Variants in GALNTL6 observed in about 807,000 individuals in gnomAD.
GALNTL6 encodes the protein polypeptide N-acetylgalactosaminyltransferase like 6.
GALNTL6 carries 46 observed loss-of-function variants against 73.7 expected under a neutral mutation model. The observed-to-expected ratio is 0.62, with a 90% CI of 0.49 to 0.80. The LOEUF (loss-of-function observed/expected upper bound fraction) is 0.80. Ranked by LOEUF, GALNTL6 falls within the 30% of genes least tolerant of loss-of-function variation. The pLI is 0.00. For missense variants in GALNTL6, 604 were observed against 755.0 expected, an observed-to-expected ratio of 0.80 and a Z score of 2.34; for synonymous variants, 259 against 263.7, an observed-to-expected ratio of 0.98 and a Z score of 0.17.
chr4:172,781,712 G>T (rs1320579518), intron 5 of GALNTL6, among the ~76,000 whole-genome samples: 1 of 151,806 alleles, frequency 6.6e-6, no homozygotes, highest in Non-Finnish European at 1.5e-5. Flanking sequence ...TTTTCCAAAG[G>T]TTTTTTAATC....
chr4:172,393,076 G>A (rs933693962), intron 5 of GALNTL6, among the ~76,000 whole-genome samples: 2 of 152,152 alleles, frequency 1.3e-5, no homozygotes, highest in Non-Finnish European at 2.9e-5. Flanking sequence ...ACTAATGCCT[G>A]ATGATCTGAG....
intron 5 of GALNTL6, among the ~76,000 whole-genome samples, chr4:172,359,097 C>A (rs1233552342): frequency 6.6e-6 from 1 of 152,140 alleles, no homozygotes; most frequent in African/African-American, 2.4e-5. Flanking sequence ...TTCACTGCAG[C>A]ACTATTCACA....
chr4:172,455,144 A>C (rs768345471), intron 5 of GALNTL6, among the ~76,000 whole-genome samples: 1 of 152,216 alleles, frequency 6.6e-6, no homozygotes, highest in Admixed American at 6.5e-5. Context: ...GGAAGCCATG[A>C]GGGACTGTGC....
intron 5 of GALNTL6, among the ~76,000 whole-genome samples, chr4:172,367,335 A>C (rs1366849512): frequency 6.6e-6 from 1 of 152,192 alleles, no homozygotes; most frequent in African/African-American, 2.4e-5. Flanking sequence ...GTTTGCCTTC[A>C]TTCATGATTA....
At chr4:172,264,063 G>C (rs759163546) in intron 3 of GALNTL6, among the ~76,000 whole-genome samples, 1 of 151,390 alleles carries the variant, frequency 6.6e-6, no homozygotes, top group East Asian at 1.9e-4. Context: ...CAGCTGGGGG[G>C]GTGTGGATTT....
At chr4:171,838,977 G>A (rs1007005786) in intron 2 of GALNTL6, among the ~76,000 whole-genome samples, 1 of 152,076 alleles carries the variant, frequency 6.6e-6, no homozygotes, top group African/African-American at 2.4e-5. Flanking sequence ...CAGTTTCCCG[G>A]TTTTATACTG....
chr4:171,891,971 C>T (rs1415913183), intron 2 of GALNTL6, among the ~76,000 whole-genome samples: 1 of 152,140 alleles, frequency 6.6e-6, no homozygotes, highest in African/African-American at 2.4e-5. Flanking sequence ...CTGAAATGCT[C>T]ACAAATCCAA....
chr4:172,537,306 CCACATGTTG>C (rs1471921010), intron 5 of GALNTL6, among the ~76,000 whole-genome samples: 1 of 152,154 alleles, frequency 6.6e-6, no homozygotes, highest in African/African-American at 2.4e-5. Context: ...CTCATAATTC[CCACATGTTG>C]TGGGAGGGAA....
Position 172,490,393 on chromosome 4 carries a change from A to C in GALNTL6, c.553+141704A>C, listed in dbSNP as rs566933918. Among the ~76,000 whole-genome samples, 5 of 152,268 alleles carry C rather than the reference A, an allele frequency of 3.3e-5. No individual in the cohort carries two copies. The South Asian group carries it at 1.0e-3, about 32-fold the overall frequency. ...TTCATACCCCAAAAATAGTTTATAAAATAATTTCTAATATGTTACTGGAAG... is the reference window on the plus strand; with the variant it reads ...TTCATACCCCAAAAATAGTTTATAACATAATTTCTAATATGTTACTGGAAG... On this transcript the variant is annotated intron_variant, in intron 5 of 12. Transcript: ENST00000506823.
intron 2 of GALNTL6, among the ~76,000 whole-genome samples, chr4:171,956,425 G>T (rs1165678298): frequency 6.6e-6 from 1 of 152,034 alleles, no homozygotes; most frequent in Non-Finnish European, 1.5e-5. Flanking sequence ...AAATAAATAA[G>T]AGGAACTTCT....
chr4:172,136,300 A>T (rs897978731), intron 2 of GALNTL6, among the ~76,000 whole-genome samples: 6 of 152,092 alleles, frequency 3.9e-5, no homozygotes, highest in Admixed American at 6.5e-5. Context: ...TCACATTGAA[A>T]AATGCCTTCT....
At chr4:171,942,796 G>C (rs1238715810) in intron 2 of GALNTL6, among the ~76,000 whole-genome samples, 1 of 152,200 alleles carries the variant, frequency 6.6e-6, no homozygotes, top group Non-Finnish European at 1.5e-5. Flanking sequence ...TGGGTCAGCT[G>C]TCCCAAGTGT....
At chr4:172,155,304 C>A (rs1734221667) in intron 2 of GALNTL6, among the ~76,000 whole-genome samples, 1 of 152,068 alleles carries the variant, frequency 6.6e-6, no homozygotes, top group South Asian at 2.1e-4. Context: ...GGCCATCGTA[C>A]CCTTTTAAAA....
At chr4:172,975,528 C>G (rs570505389) in intron 10 of GALNTL6, among the ~76,000 whole-genome samples, 1 of 152,206 alleles carries the variant, frequency 6.6e-6, no homozygotes, top group South Asian at 2.1e-4. Context: ...TTCTGGTCCG[C>G]TGAACTGACA....
At chr4:173,027,850 A>C (rs1264961321) in intron 12 of GALNTL6, among the ~76,000 whole-genome samples, 1 of 152,240 alleles carries the variant, frequency 6.6e-6, no homozygotes, top group African/African-American at 2.4e-5. Context: ...TACAATTAGC[A>C]TAGGCCCAAG....
chr4:171,968,844 G>GGA (rs1739472791), intron 2 of GALNTL6, among the ~76,000 whole-genome samples: 4 of 149,336 alleles, frequency 2.7e-5, no homozygotes, highest in Admixed American at 2.7e-4. Flanking sequence ...TGCGGGGTGG[G>GGA]GGGGGGGTTG....
At chr4:173,016,037 G>A (rs1441509911) in intron 11 of GALNTL6, among the ~76,000 whole-genome samples, 1 of 152,234 alleles carries the variant, frequency 6.6e-6, no homozygotes, top group Admixed American at 6.5e-5. Flanking sequence ...TTCAGAGGGT[G>A]CAAGCCCCAA....
intron 2 of GALNTL6, among the ~76,000 whole-genome samples, chr4:172,198,421 A>T (rs577982273): frequency 1.3e-5 from 2 of 152,222 alleles, no homozygotes; most frequent in African/African-American, 4.8e-5. Context: ...ACAAGAAAAA[A>T]AAAAGACCCC....
At chr4:172,072,240 A>ATT (rs71244912) in intron 2 of GALNTL6, among the ~76,000 whole-genome samples, 1 of 148,592 alleles carries the variant, frequency 6.7e-6, no homozygotes, top group African/African-American at 2.5e-5. Flanking sequence ...TAGTTTATTG[A>ATT]TTTTTTTTTT....
Sources: allele counts gnomAD v4.1 joint callset (sites outside exome capture counted in the v4.1 genomes callset), GRCh38; gene constraint gnomAD v4.1.1; transcripts MANE v1.5; gene names NCBI Gene and HGNC (gene_info 2026-07-23, HGNC 2026-07-21).